Variants in AIF1L observed in about 807,000 individuals in gnomAD.
The protein encoded by AIF1L is allograft inflammatory factor 1 like, also known as allograft inflammatory factor 1-like.
In AIF1L, 12 loss-of-function variants were observed where a neutral mutation model predicts 20.7. That is an observed-to-expected ratio of 0.58 (90% CI 0.37 to 0.94). The LOEUF is 0.94. AIF1L is among the 40% of genes least tolerant of loss of function. The probability of loss-of-function intolerance (pLI) is 0.01; values close to 1 mark genes in which losing one functional copy is unlikely to be tolerated. For missense variants in AIF1L, 173 were observed against 185.3 expected (o/e 0.93, Z 0.39); for synonymous variants, 76 against 65.1 (o/e 1.17, Z -0.81).
chr9:131,105,837 T>G (rs1482646903), intron 2 of AIF1L, among the ~76,000 whole-genome samples: 3 of 93,572 alleles, frequency 3.2e-5, no homozygotes, highest in Non-Finnish European at 6.9e-5. Context: ...GTTGTTGCTT[T>G]TTTTTTTTTT....
chr9:131,106,282 G>A (rs1386436678), intron 2 of AIF1L: 1 of 1,460,900 alleles, frequency 6.8e-7, no homozygotes, highest in Non-Finnish European at 9.3e-7. Context: ...TAGTTAACCT[G>A]AGTCTCAACT....
chr9:131,101,552 C>T (rs891510119), intron 2 of AIF1L, among the ~76,000 whole-genome samples: 1 of 151,920 alleles, frequency 6.6e-6, no homozygotes, highest in Non-Finnish European at 1.5e-5. Flanking sequence ...ACCATGTTGC[C>T]CAGGCTGGTC....
At chr9:131,104,912 A>G (rs1830712295) in intron 2 of AIF1L, among the ~76,000 whole-genome samples, 1 of 151,596 alleles carries the variant, frequency 6.6e-6, no homozygotes, top group South Asian at 2.1e-4. Flanking sequence ...AAAAAAAAAA[A>G]ATTCATGCAG....
rs1480156290 is a variant in AIF1L at position 131,121,110 on chromosome 9, G to C, written c.*788G>C. 2.8e-6 allele frequency: 2 copies of C among 715,290 alleles called. No individual in the cohort carries two copies. The highest frequency in any genetic ancestry group is 3.0e-5 in the South Asian group (2 of 66,830). The allele number at this position is 715,290 out of a possible 1,614,324, so 44.3% of individuals were successfully genotyped here. ...CAGCTCAGTGCTGTTCCACCTTTTA[G>C]GGAGGTTACTGAGGGGACCAGGATG... On this transcript the variant is annotated 3_prime_UTR_variant, in exon 6 of 6. Coordinates refer to ENST00000247291, the MANE Select transcript of AIF1L (RefSeq NM_031426.4).
intron 2 of AIF1L, among the ~76,000 whole-genome samples, chr9:131,109,574 A>G (rs929125914): frequency 3.3e-5 from 5 of 152,134 alleles, no homozygotes; most frequent in Admixed American, 2.6e-4. Flanking sequence ...AAACAAAAAC[A>G]AAAACAAAAA....
chr9:131,101,755 CCT>C (rs1377463571), intron 2 of AIF1L, among the ~76,000 whole-genome samples: 2 of 151,932 alleles, frequency 1.3e-5, no homozygotes. Flanking sequence ...CACCCTGGCC[CCT>C]GTCACCAGGT....
At chr9:131,100,497 G>T (rs1830613905) in intron 2 of AIF1L, among the ~76,000 whole-genome samples, 1 of 152,186 alleles carries the variant, frequency 6.6e-6, no homozygotes, top group African/African-American at 2.4e-5. Flanking sequence ...GGTTTAAACA[G>T]CCTCGACTTG....
chr9:131,102,269 G>T (rs925683946), intron 2 of AIF1L, among the ~76,000 whole-genome samples: 2 of 152,106 alleles, frequency 1.3e-5, no homozygotes, highest in African/African-American at 2.4e-5. Flanking sequence ...AGCTGGGCAG[G>T]GTAGGCTGGG....
At chr9:131,105,107 G>GT (rs1278596688) in intron 2 of AIF1L, among the ~76,000 whole-genome samples, 2 of 152,340 alleles carry the variant, frequency 1.3e-5, no homozygotes, top group African/African-American at 4.8e-5. Flanking sequence ...GGGACGGGGG[G>GT]AGGATGCCTG....
chr9:131,100,732 T>C (rs1286144573), intron 2 of AIF1L, among the ~76,000 whole-genome samples: 1 of 152,140 alleles, frequency 6.6e-6, no homozygotes, highest in Non-Finnish European at 1.5e-5. Context: ...CATGGCCTTA[T>C]ATGGCAATGG....
At chr9:131,112,974 G>A (rs1019925151) in intron 3 of AIF1L, among the ~76,000 whole-genome samples, 4 of 152,098 alleles carry the variant, frequency 2.6e-5, no homozygotes, top group African/African-American at 9.7e-5. Context: ...CTCCAAATGC[G>A]CACCTGTACA....
chr9:131,113,623 A>G (rs897772595), intron 3 of AIF1L, among the ~76,000 whole-genome samples: 7 of 151,876 alleles, frequency 4.6e-5, no homozygotes, highest in Admixed American at 2.0e-4. Flanking sequence ...TCACGCCACT[A>G]CACTTCAGCT....
At chr9:131,116,519 G>C (rs140133814) in intron 4 of AIF1L, among the ~76,000 whole-genome samples, 3,875 of 152,212 alleles carry the variant, frequency 0.025, 160 homozygotes, top group African/African-American at 0.089. Context: ...CTGCCTCGTC[G>C]TCCCAAAGTG....
intron 2 of AIF1L, among the ~76,000 whole-genome samples, chr9:131,107,155 T>C (rs1427404476): frequency 1.3e-5 from 2 of 152,078 alleles, no homozygotes; most frequent in Non-Finnish European, 2.9e-5. Flanking sequence ...TTGAAGTTGG[T>C]GAGGGAGAGA....
At chr9:131,110,723 G>A (rs1053744656) in intron 2 of AIF1L, among the ~76,000 whole-genome samples, 2 of 151,156 alleles carry the variant, frequency 1.3e-5, no homozygotes, top group Non-Finnish European at 2.9e-5. Flanking sequence ...GGCTGGTCTC[G>A]AGCCCCTGAC....
At chr9:131,103,099 T>G (rs1310909921) in intron 2 of AIF1L, 1 of 423,170 alleles carries the variant, frequency 2.4e-6, no homozygotes, top group Admixed American at 2.5e-5. Context: ...AAACAGCCCC[T>G]CCTGGGCATA....
chr9:131,113,869 CTG>C, intron 3 of AIF1L: 1 of 152,592 alleles, frequency 6.6e-6, no homozygotes, highest in East Asian at 1.9e-4. Flanking sequence ...GGGCCCCACT[CTG>C]CCCGGGCAGG....
intron 2 of AIF1L, among the ~76,000 whole-genome samples, chr9:131,110,884 G>A (rs535152812): frequency 4.6e-5 from 7 of 151,906 alleles, no homozygotes; most frequent in African/African-American, 1.5e-4. Flanking sequence ...GGGGAGGGCC[G>A]GGCGCGGTGG....
At chr9:131,103,105 G>T (rs1218105936) in intron 2 of AIF1L, 2 of 412,744 alleles carry the variant, frequency 4.8e-6, no homozygotes, top group East Asian at 1.4e-4. Context: ...CCCCTCCTGG[G>T]CATAGCACTT....
Sources: allele counts gnomAD v4.1 joint callset (sites outside exome capture counted in the v4.1 genomes callset), GRCh38; gene constraint gnomAD v4.1.1; transcripts MANE v1.5; gene names NCBI Gene and HGNC (gene_info 2026-07-23, HGNC 2026-07-21).